ARL14EP: variants seen among roughly 807,000 people sequenced by gnomAD.
The protein encoded by ARL14EP is ARL14 effector protein.
A neutral mutation model predicts 23.1 loss-of-function variants in ARL14EP; 12 were observed. The ratio of observed to expected loss-of-function variants is 0.52; its 90% CI spans 0.33 to 0.84. ARL14EP has a LOEUF of 0.84. Among genes scored for constraint, ARL14EP ranks in the 40% least tolerant of loss-of-function variants. ARL14EP has a pLI of 0.02. For missense variants in ARL14EP, 253 were observed against 307.3 expected (o/e 0.82, Z 1.32); for synonymous variants, 97 against 102.0 (o/e 0.95, Z 0.29).
rs1947276781 is a variant in ARL14EP at position 30,330,920 on chromosome 11, A to C, written c.-29A>C. The C allele has an allele frequency of 6.5e-7, 1 of 1,534,254 alleles. No individual in the cohort carries two copies. Among genetic ancestry groups the C allele is most frequent in the Non-Finnish European group, 8.7e-7 (1 of 1,150,072 alleles). On this transcript the variant is annotated 5_prime_UTR_variant, in exon 2 of 4. Coordinates refer to ENST00000282032, the MANE Select transcript of ARL14EP (RefSeq NM_152316.3). Reference sequence around the variant, plus strand: ...CCCATGACCTAAACCTCCAGACAAAATAAAACGGAAAATTTGCTAGAATCA... The same window carrying C: ...CCCATGACCTAAACCTCCAGACAAACTAAAACGGAAAATTTGCTAGAATCA...
intron 1 of ARL14EP, among the ~76,000 whole-genome samples, chr11:30,325,477 C>T (rs1356852620): frequency 3.3e-5 from 5 of 152,170 alleles, no homozygotes; most frequent in African/African-American, 7.2e-5. Context: ...AGGGCTCAAG[C>T]AAAATTCAAC....
At chr11:30,335,018 A>G (rs76430725) in intron 3 of ARL14EP, among the ~76,000 whole-genome samples, 7 of 152,354 alleles carry the variant, frequency 4.6e-5, no homozygotes, top group Non-Finnish European at 1.0e-4. Context: ...ACAGTGAGTG[A>G]TTCCTCTGAT....
At chr11:30,335,697 G>A (rs1317537863) in intron 3 of ARL14EP, among the ~76,000 whole-genome samples, 1 of 151,806 alleles carries the variant, frequency 6.6e-6, no homozygotes, top group Non-Finnish European at 1.5e-5. Context: ...TAGACATAAG[G>A]CTGTTGCACA....
intron 2 of ARL14EP, 21 bp downstream of exon 2, chr11:30,331,395 T>C (rs764444447): frequency 6.2e-7 from 1 of 1,613,650 alleles, no homozygotes; most frequent in Non-Finnish European, 8.5e-7. Flanking sequence ...TAGTCATTTT[T>C]TTCTACATTG....
chr11:30,327,244 T>G (rs1441721442), intron 1 of ARL14EP, among the ~76,000 whole-genome samples: 1 of 152,174 alleles, frequency 6.6e-6, no homozygotes, highest in African/African-American at 2.4e-5. Flanking sequence ...ATTCCATTAG[T>G]TTCCTTTAAT....
intron 3 of ARL14EP, among the ~76,000 whole-genome samples, chr11:30,334,569 G>A (rs978220584): frequency 1.4e-4 from 21 of 152,082 alleles, no homozygotes; most frequent in African/African-American, 4.1e-4. Flanking sequence ...GAGAGGGGAA[G>A]TCTATACCTG....
At chr11:30,324,127 G>A (rs1947217956) in intron 1 of ARL14EP, among the ~76,000 whole-genome samples, 1 of 152,166 alleles carries the variant, frequency 6.6e-6, no homozygotes. Flanking sequence ...GTAGGCGTAT[G>A]TACCCATAAC....
chr11:30,326,834 G>A (rs1192821884), intron 1 of ARL14EP, among the ~76,000 whole-genome samples: 2 of 151,956 alleles, frequency 1.3e-5, no homozygotes, highest in Admixed American at 6.6e-5. Context: ...TTACTCAGGT[G>A]TGTGCAGTTT....
rs200948615 is a variant in ARL14EP at position 30,330,924 on chromosome 11, A to AAC, written c.-24_-23dup. On this transcript the variant is annotated 5_prime_UTR_variant, in exon 2 of 4. Transcript: ENST00000282032. ...TGACCTAAACCTCCAGACAAAATAA[A>AAC]ACGGAAAATTTGCTAGAATCAAGAA... 6.9e-7 allele frequency: 1 copy of AAC among 1,439,718 alleles called. No homozygotes were observed. Among genetic ancestry groups the AAC allele is most frequent in the Non-Finnish European group, 9.3e-7 (1 of 1,075,198 alleles). The allele number at this position is 1,439,718 out of a possible 1,614,324, so 89.2% of individuals were successfully genotyped here.
At chr11:30,326,006 A>C (rs1947232579) in intron 1 of ARL14EP, among the ~76,000 whole-genome samples, 3 of 152,190 alleles carry the variant, frequency 2.0e-5, no homozygotes, top group Admixed American at 2.0e-4. Flanking sequence ...TCAACAGTGC[A>C]GTTTTCTATT....
At position 30,336,780 on chromosome 11, in the gene ARL14EP, T is replaced by C. The variant is rs775629814; in HGVS notation, c.768T>C (p.Asn256=). The C allele has an allele frequency of 1.9e-6, 3 of 1,613,844 alleles. No homozygotes were observed. Among genetic ancestry groups the C allele is most frequent in the Admixed American group, 3.3e-5 (2 of 60,004 alleles). Residue 256 remains asparagine, a synonymous_variant, in exon 4 of 4, where the codon AAT becomes AAC. Coordinates refer to ENST00000282032, the MANE Select transcript of ARL14EP (RefSeq NM_152316.3). ...TTGAAGGAGGAGAAATAATTCATAATAAACATGCTGGATAATCTGCGGTAC... is the reference window on the plus strand; with the variant it reads ...TTGAAGGAGGAGAAATAATTCATAACAAACATGCTGGATAATCTGCGGTAC... ...IEIEGGEIIH[N]KHAG
intron 1 of ARL14EP, chr11:30,330,549 T>C (rs1947273777): frequency 1.1e-5 from 2 of 176,988 alleles, no homozygotes; most frequent in Admixed American, 1.1e-4. Flanking sequence ...ACAGTGTTTT[T>C]TGGTTTCTAG....
At chr11:30,327,871 G>A (rs1947250245) in intron 1 of ARL14EP, among the ~76,000 whole-genome samples, 1 of 151,652 alleles carries the variant, frequency 6.6e-6, no homozygotes. Context: ...AGCTACTCTG[G>A]AGGCTGAGGC....
chr11:30,331,877 G>A (rs1159814384), intron 2 of ARL14EP: 2 of 922,996 alleles, frequency 2.2e-6, no homozygotes, highest in South Asian at 5.0e-5. Flanking sequence ...TTTTTTAAAT[G>A]CTTGTGAATT....
In ARL14EP at chr11:30,330,969, T is replaced by G; in HGVS notation, c.21T>G (p.Val7=). The change falls in exon 2 of 4, where the codon GTT becomes GTG. Residue 7 remains valine, a synonymous_variant. Coordinates refer to ENST00000282032, the MANE Select transcript of ARL14EP (RefSeq NM_152316.3). ...CAAGAATGATGGATCCATGTTCAGT[T>G]GGAGTCCAGCTTCGTACTACAAATG... MMDPCS[V]GVQLRTTNEC... 6.2e-7 allele frequency: 1 copy of G among 1,613,710 alleles called. No individual in the cohort carries two copies. The highest frequency in any genetic ancestry group is 8.5e-7 in the Non-Finnish European group (1 of 1,179,718).
chr11:30,329,813 TTATG>T (rs1370056183), intron 1 of ARL14EP: 4 of 152,160 alleles, frequency 2.6e-5, no homozygotes, highest in African/African-American at 9.7e-5. Context: ...ACTCGAATAT[TTATG>T]ATAATAATCC....
chr11:30,325,213 G>A (rs1020143933), intron 1 of ARL14EP, among the ~76,000 whole-genome samples: 6 of 152,184 alleles, frequency 3.9e-5, no homozygotes, highest in African/African-American at 1.4e-4. Context: ...GGCTCTGGCT[G>A]AGAGTTGGCC....
intron 1 of ARL14EP, chr11:30,328,497 ATTAG>A (rs899380324): frequency 1.3e-5 from 2 of 152,174 alleles, no homozygotes; most frequent in Admixed American, 6.5e-5. Context: ...TGGGACCTGT[ATTAG>A]TTCATTTTAA....
intron 3 of ARL14EP, among the ~76,000 whole-genome samples, chr11:30,334,265 A>G (rs10835654): frequency 0.49 from 67,637 of 138,120 alleles, 16,295 homozygotes; most frequent in East Asian, 0.63. Context: ...ACCCAGCCTG[A>G]GGTGCAGTGG....
Sources: allele counts gnomAD v4.1 joint callset (sites outside exome capture counted in the v4.1 genomes callset), GRCh38; gene constraint gnomAD v4.1.1; transcripts MANE v1.5; gene names NCBI Gene and HGNC (gene_info 2026-07-23, HGNC 2026-07-21).